The following AFG2A variants were observed in gnomAD, a reference collection of about 807,000 sequenced individuals.
AFG2A encodes the protein AAA ATPase AFG2A, also known as ATPase family gene 2 protein homolog A.
chr4:123,148,394 G>T, the AFG2A span, among the ~76,000 whole-genome samples: 1 of 152,188 alleles, frequency 6.6e-6, no homozygotes, highest in South Asian at 2.1e-4. Context: ...GAGTAGTGAA[G>T]AGTGGGTGGT....
chr4:122,943,974 T>C, the AFG2A span, among the ~76,000 whole-genome samples: 3 of 152,246 alleles, frequency 2.0e-5, no homozygotes, highest in East Asian at 5.8e-4. Flanking sequence ...CCCACTCTCT[T>C]CTGGCTTGTA....
chr4:123,248,063 G>C, the AFG2A span, among the ~76,000 whole-genome samples: 2 of 151,540 alleles, frequency 1.3e-5, no homozygotes, highest in Admixed American at 1.3e-4. Context: ...TCCTCACAGT[G>C]CTTTGCACAC....
At chr4:122,934,534 G>T in the AFG2A span, 1 of 1,614,128 alleles carries the variant, frequency 6.2e-7, no homozygotes, top group Non-Finnish European at 8.5e-7. Flanking sequence ...GTTCAGCATA[G>T]GAGCAAAGTG....
At chr4:123,062,499 T>C in the AFG2A span, among the ~76,000 whole-genome samples, 4 of 152,172 alleles carry the variant, frequency 2.6e-5, no homozygotes, top group Non-Finnish European at 2.9e-5. Flanking sequence ...ACATAGTCAA[T>C]GTTGTTACTG....
chr4:123,235,349 A>G, the AFG2A span, among the ~76,000 whole-genome samples: 2 of 152,144 alleles, frequency 1.3e-5, no homozygotes, highest in Non-Finnish European at 2.9e-5. Flanking sequence ...AAAATGGGGG[A>G]AAAGTGCTCA....
At chr4:123,052,978 A>G in the AFG2A span, among the ~76,000 whole-genome samples, 2 of 152,166 alleles carry the variant, frequency 1.3e-5, no homozygotes, top group African/African-American at 2.4e-5. Context: ...GGCAGGAAGC[A>G]TCCAGCACAG....
At chr4:123,028,221 C>A in the AFG2A span, 1 of 1,614,014 alleles carries the variant, frequency 6.2e-7, no homozygotes, top group Non-Finnish European at 8.5e-7. Flanking sequence ...TGGAAAGTAT[C>A]AAACTGAAGT....
chr4:123,167,323 T>C, the AFG2A span, among the ~76,000 whole-genome samples: 1 of 151,556 alleles, frequency 6.6e-6, no homozygotes, highest in African/African-American at 2.4e-5. Context: ...ATAGGTTTAA[T>C]TGTAGAGCTG....
chr4:123,244,221 A>G, the AFG2A span, among the ~76,000 whole-genome samples: 1 of 152,218 alleles, frequency 6.6e-6, no homozygotes, highest in Non-Finnish European at 1.5e-5. Context: ...CCTGGGAGAA[A>G]GAAAACGCAA....
chr4:123,162,792 C>T, the AFG2A span, among the ~76,000 whole-genome samples: 2 of 151,918 alleles, frequency 1.3e-5, no homozygotes, highest in African/African-American at 4.8e-5. Flanking sequence ...GCTACTTACT[C>T]GCTATTTTAA....
chr4:123,118,798 A>T, the AFG2A span, among the ~76,000 whole-genome samples: 1 of 152,102 alleles, frequency 6.6e-6, no homozygotes, highest in African/African-American at 2.4e-5. Context: ...TGGTATCAGT[A>T]GTTAGTAGTT....
the AFG2A span, among the ~76,000 whole-genome samples, chr4:123,251,196 A>G: frequency 6.6e-6 from 1 of 152,224 alleles, no homozygotes; most frequent in African/African-American, 2.4e-5. Context: ...CAACTATTAG[A>G]AAGGAAATTT....
At chr4:123,156,121 AC>A in the AFG2A span, among the ~76,000 whole-genome samples, 1 of 152,150 alleles carries the variant, frequency 6.6e-6, no homozygotes, top group Non-Finnish European at 1.5e-5. Flanking sequence ...ATTTAAAGGG[AC>A]TAACACCCAG....
chr4:123,229,139 A>T, the AFG2A span, among the ~76,000 whole-genome samples: 4 of 151,980 alleles, frequency 2.6e-5, no homozygotes, highest in African/African-American at 9.7e-5. Flanking sequence ...TTAAGTATTT[A>T]AAAAAATAGT....
chr4:123,115,352 G>A, the AFG2A span, among the ~76,000 whole-genome samples: 1 of 152,044 alleles, frequency 6.6e-6, no homozygotes. Flanking sequence ...TCGGTGGCCC[G>A]GGCTGAGCCT....
the AFG2A span, among the ~76,000 whole-genome samples, chr4:122,961,367 A>G: frequency 6.6e-6 from 1 of 152,218 alleles, no homozygotes; most frequent in Non-Finnish European, 1.5e-5. Flanking sequence ...TCCTAGTATA[A>G]AAGATAGGGA....
chr4:123,017,831 T>C, the AFG2A span, among the ~76,000 whole-genome samples: 9 of 152,274 alleles, frequency 5.9e-5, no homozygotes, highest in Admixed American at 3.9e-4. Flanking sequence ...AATAATACTT[T>C]GAAAAGAATT....
At chr4:123,109,584 A>G in the AFG2A span, among the ~76,000 whole-genome samples, 4 of 152,170 alleles carry the variant, frequency 2.6e-5, no homozygotes, top group Admixed American at 2.0e-4. Flanking sequence ...GGAAAAGATT[A>G]TATCAATCAT....
the AFG2A span, among the ~76,000 whole-genome samples, chr4:122,952,509 G>A: frequency 3.9e-5 from 6 of 152,192 alleles, no homozygotes; most frequent in African/African-American, 1.4e-4. Flanking sequence ...GGTGTCACAC[G>A]ATGTGAGTAG....
Sources: gnomAD v4.1 joint callset for allele counts (sites outside exome capture counted in the v4.1 genomes callset) on GRCh38, gnomAD v4.1.1 for gene constraint, MANE v1.5 for transcripts, NCBI Gene and HGNC (gene_info 2026-07-23, HGNC 2026-07-21) for gene names.